NAV3: variants seen among roughly 807,000 people sequenced by gnomAD.
NAV3 encodes pore membrane and/or filament interacting like protein 1.
NAV3 carries 87 observed loss-of-function variants against 244.7 expected under a neutral mutation model. That is an observed-to-expected ratio of 0.36 (90% confidence interval 0.30 to 0.42). The LOEUF is 0.42. NAV3 is among the 20% of genes least tolerant of loss of function. The probability of loss-of-function intolerance (pLI) is 1.00; values close to 1 mark genes in which losing one functional copy is unlikely to be tolerated. For synonymous variants in NAV3, 1,126 were observed against 1,042.2 expected (o/e 1.08, Z -1.55); for missense variants, 2,663 against 2,893.3 (o/e 0.92, Z 1.83).
intron 1 of NAV3, among the ~76,000 whole-genome samples, chr12:77,901,035 G>T (rs2619068): frequency 1.3e-5 from 2 of 152,040 alleles, no homozygotes; most frequent in African/African-American, 4.8e-5. Context: ...TCCATTTTGC[G>T]AAGTATCTGT....
chr12:77,593,947 T>G (rs955149121), intron 2 of NAV3, among the ~76,000 whole-genome samples: 1 of 152,164 alleles, frequency 6.6e-6, no homozygotes, highest in Non-Finnish European at 1.5e-5. Context: ...AATTTACATA[T>G]ATACTGGCCC....
At chr12:78,208,322 A>G (rs892324087) in intron 39 of NAV3, among the ~76,000 whole-genome samples, 1 of 151,944 alleles carries the variant, frequency 6.6e-6, no homozygotes, top group Non-Finnish European at 1.5e-5. Flanking sequence ...TGAGGAATCC[A>G]CCCCCATGAT....
At chr12:78,031,237 T>C (rs1878927431) in intron 9 of NAV3, among the ~76,000 whole-genome samples, 1 of 152,190 alleles carries the variant, frequency 6.6e-6, no homozygotes. Context: ...TTCTATAGCT[T>C]AAGCTCTATT....
intron 5 of NAV3, among the ~76,000 whole-genome samples, chr12:77,972,289 G>A: frequency 6.6e-6 from 1 of 152,238 alleles, no homozygotes; most frequent in South Asian, 2.1e-4. Flanking sequence ...CCAGGACCTG[G>A]ATCTGTATTA....
chr12:77,865,798 C>CGTGT (rs35804861), intron 1 of NAV3, among the ~76,000 whole-genome samples: 8,597 of 149,160 alleles, frequency 0.058, 292 homozygotes, highest in African/African-American at 0.094. Context: ...CGTATATATG[C>CGTGT]GTGTGTGTGT....
chr12:77,600,360 T>C (rs990872786), intron 2 of NAV3, among the ~76,000 whole-genome samples: 1 of 151,904 alleles, frequency 6.6e-6, no homozygotes, highest in Non-Finnish European at 1.5e-5. Context: ...CTCAACTCTC[T>C]CTCTTACTAA....
rs146372959 is a variant in NAV3 at position 78,045,409 on chromosome 12, C to T, written c.2024-4584C>T. 2.3e-3 allele frequency among the ~76,000 whole-genome samples: 356 copies of T among 152,234 alleles called. 4 individuals are homozygous for T. Among genetic ancestry groups the T allele is most frequent in the African/African-American group, 8.3e-3 (345 of 41,532 alleles). On this transcript the variant is annotated intron_variant, in intron 9 of 39. Coordinates refer to ENST00000397909, the MANE Select transcript of NAV3 (RefSeq NM_001024383.2). The stretch of plus-strand genomic sequence containing the variant: ...CTCCTAAGTACAAGCGATTCTCCTG[C>T]CTCAGCCTCCCGAGTAGCTGGGGCT...
At chr12:78,202,099 C>A (rs1959772931) in intron 38 of NAV3, among the ~76,000 whole-genome samples, 1 of 151,736 alleles carries the variant, frequency 6.6e-6, no homozygotes, top group Non-Finnish European at 1.5e-5. Flanking sequence ...CTACCCCAAG[C>A]AGAAGCCTCC....
At position 77,944,316 on chromosome 12, in the gene NAV3, C is replaced by G. The variant is rs117721168; in HGVS notation, c.414+3183C>G. On this transcript the variant is annotated intron_variant, in intron 3 of 39. Coordinates refer to ENST00000397909, the MANE Select transcript of NAV3 (RefSeq NM_001024383.2). ...CCAATATAAATACTTTAAAAGATCA[C>G]CCTAGATGCTTTATGGGGATTATAA... Among the ~76,000 whole-genome samples, 9 of 152,124 alleles carry G rather than the reference C, an allele frequency of 5.9e-5. No homozygotes were observed. The East Asian group carries it at 1.7e-3, about 29-fold the overall frequency.
Position 78,119,330 on chromosome 12 carries a change from G to A in NAV3, c.3134G>A (p.Ser1045Asn), listed in dbSNP as rs2138603813. 1 of 1,614,190 alleles carries A rather than the reference G, an allele frequency of 6.2e-7. No individual in the cohort carries two copies. The highest frequency in any genetic ancestry group is 8.5e-7 in the Non-Finnish European group (1 of 1,180,032). The change falls in exon 15 of 40, where the codon AGT (serine) becomes AAT (asparagine). Residue 1045 changes from serine to asparagine, a missense_variant. Around this residue, in one of 6 missense-constraint regions of NAV3, gnomAD observed 1,521 missense variants for 1,497.0 expected, o/e 1.02. Transcript: ENST00000397909. ...TCTCCTTCAGATGCAGGAAAAAGCA[G>A]TGGAGATGAAGGGAAAAAGCCCCCC... ...QRSPSDAGKSSGDEGKKPPSG... is the reference protein window; with the variant it reads ...QRSPSDAGKSNGDEGKKPPSG...
At chr12:77,835,189 G>A (rs886682012) in intron 1 of NAV3, among the ~76,000 whole-genome samples, 3 of 152,058 alleles carry the variant, frequency 2.0e-5, no homozygotes, top group African/African-American at 7.2e-5. Context: ...GATACACCCT[G>A]TTTTATTAAA....
chr12:78,209,461 C>G (rs1387136100), intron 39 of NAV3, among the ~76,000 whole-genome samples: 2 of 151,932 alleles, frequency 1.3e-5, no homozygotes, highest in African/African-American at 4.8e-5. Context: ...GTCCACTACC[C>G]TTGTAAAGAC....
At chr12:77,614,819 A>G (rs1476240408) in intron 2 of NAV3, among the ~76,000 whole-genome samples, 2 of 152,206 alleles carry the variant, frequency 1.3e-5, no homozygotes, top group African/African-American at 2.4e-5. Flanking sequence ...CATAGTAAGT[A>G]CTTTAAGAAA....
Position 78,068,636 on chromosome 12 carries a change from CAT to C in NAV3, c.2636+9529_2636+9530del, listed in dbSNP as rs900775269. On this transcript the variant is annotated intron_variant, in intron 12 of 39. Transcript: ENST00000397909. Reference sequence around the variant, plus strand: ...TATAATATATAATTATATATAATTACATATATATAATTTATAATACATATATT... The same window carrying C: ...TATAATATATAATTATATATAATTACATATATAATTTATAATACATATATT... 4.4e-4 allele frequency among the ~76,000 whole-genome samples: 65 copies of C among 146,842 alleles called. 1 individual carries two copies. Among genetic ancestry groups the C allele is most frequent in the Non-Finnish European group, 8.2e-4 (55 of 66,844 alleles).
intron 1 of NAV3, among the ~76,000 whole-genome samples, chr12:77,924,989 G>A (rs1423268134): frequency 6.6e-6 from 1 of 151,808 alleles, no homozygotes; most frequent in African/African-American, 2.4e-5. Flanking sequence ...GTAGTTAGTG[G>A]TGGAACTTGG....
At chr12:77,709,099 C>A (rs532112178) in intron 2 of NAV3, among the ~76,000 whole-genome samples, 1 of 152,070 alleles carries the variant, frequency 6.6e-6, no homozygotes, top group Admixed American at 6.6e-5. Flanking sequence ...AAAAACTTAT[C>A]CACCATGATC....
chr12:77,619,507 C>T (rs1020531982), intron 2 of NAV3, among the ~76,000 whole-genome samples: 2 of 152,306 alleles, frequency 1.3e-5, no homozygotes, highest in South Asian at 4.1e-4. Context: ...AGCTGTGACT[C>T]TCAGCACACT....
intron 9 of NAV3, among the ~76,000 whole-genome samples, chr12:78,045,456 C>G (rs572499892): frequency 1.3e-5 from 2 of 152,014 alleles, no homozygotes; most frequent in African/African-American, 2.4e-5. Flanking sequence ...CCACCATACC[C>G]GGCTAATTTT....
intron 3 of NAV3, among the ~76,000 whole-genome samples, chr12:77,948,350 A>AT (rs1197342278): frequency 2.6e-5 from 4 of 151,926 alleles, no homozygotes; most frequent in Non-Finnish European, 4.4e-5. Flanking sequence ...TGAATTACAG[A>AT]TTTTTTCTTT....
Sources: gnomAD v4.1 joint callset for allele counts (sites outside exome capture counted in the v4.1 genomes callset) on GRCh38, gnomAD v4.1.1 for gene constraint, gnomAD v4.1.1 regional missense constraint, MANE v1.5 for transcripts, NCBI Gene and HGNC (gene_info 2026-07-23, HGNC 2026-07-21) for gene names.